The following TENM2 variants were observed in gnomAD, a reference collection of about 807,000 sequenced individuals.
The protein encoded by TENM2 is teneurin-2.
In TENM2, 52 loss-of-function variants were observed where a neutral mutation model predicts 245.2. That is an observed-to-expected ratio of 0.21 (90% CI 0.17 to 0.27). The LOEUF is 0.27. TENM2 is among the 10% of genes least tolerant of loss of function. The pLI is 1.00. For synonymous variants in TENM2, 1,363 were observed against 1,438.9 expected (o/e 0.95, Z 1.19); for missense variants, 3,046 against 3,666.8 (o/e 0.83, Z 4.37).
chr5:168,218,442 C>T lies in TENM2; in HGVS notation c.4551C>T (p.Ala1517=). Reference sequence around the variant, plus strand: ...AGATCTGCCTTTTAGCTGGGGCAGCCTCGGACTGCGACTGCAAAAACGATG... The same window carrying T: ...AGATCTGCCTTTTAGCTGGGGCAGCTTCGGACTGCGACTGCAAAAACGATG... The change falls in exon 23 of 29, where the codon GCC becomes GCT. Residue 1517 remains alanine (A), a synonymous_variant. Transcript: ENST00000518659. The surrounding 1 kb of genome is among the most constrained non-coding windows in gnomAD (Gnocchi z 5.2). The T allele has an allele frequency of 6.2e-7, 1 of 1,614,046 alleles. No individual in the cohort carries two copies. The highest frequency in any genetic ancestry group is 8.5e-7 in the Non-Finnish European group (1 of 1,179,910).
chr5:167,272,513 A>C, the TENM2 span, among the ~76,000 whole-genome samples: 3 of 152,188 alleles, frequency 2.0e-5, no homozygotes, highest in African/African-American at 7.2e-5. Context: ...ATGCTCATCC[A>C]ATAAAACTTT....
the TENM2 span, among the ~76,000 whole-genome samples, chr5:167,176,255 C>T: frequency 3.9e-5 from 6 of 152,208 alleles, no homozygotes; most frequent in South Asian, 2.1e-4. Context: ...TGTGTGTGTC[C>T]GAAACTTTTT....
At chr5:167,181,437 G>GT in the TENM2 span, among the ~76,000 whole-genome samples, 7,433 of 123,032 alleles carry the variant, frequency 0.06, 727 homozygotes, top group East Asian at 0.37. Flanking sequence ...TCAGTTCTCT[G>GT]TTTTTTTTTT....
intron 2 of TENM2, among the ~76,000 whole-genome samples, chr5:167,794,432 A>G (rs1765187294): frequency 6.6e-6 from 1 of 152,232 alleles, no homozygotes; most frequent in African/African-American, 2.4e-5. Context: ...AATGTTAGGG[A>G]AAAATTACAT....
chr5:167,721,090 C>T (rs1430937719), intron 2 of TENM2, among the ~76,000 whole-genome samples: 1 of 152,136 alleles, frequency 6.6e-6, no homozygotes, highest in Non-Finnish European at 1.5e-5. Flanking sequence ...TTTGATCCTA[C>T]TTACTACAAT....
chr5:167,394,583 T>G lies in TENM2; in HGVS notation c.502+19110T>G, dbSNP rs769839947. Among the ~76,000 whole-genome samples the G allele has an allele frequency of 3.2e-4, 49 of 152,162 alleles. No individual in the cohort carries two copies. The South Asian group carries it at 3.5e-3, about 11-fold the overall frequency. On this transcript the variant is annotated intron_variant, in intron 2 of 28. Transcript: ENST00000518659. ...ATAAATAAATGTATGTATGTATTTA[T>G]TTAGTTAGTTAGTTAGTTTTGTTCT...
the TENM2 span, among the ~76,000 whole-genome samples, chr5:167,069,391 A>C: frequency 6.6e-6 from 1 of 152,172 alleles, no homozygotes. Context: ...AGAATCTCCA[A>C]ATCTTTCCCC....
chr5:167,385,762 G>A (rs554924799), intron 2 of TENM2, among the ~76,000 whole-genome samples: 2 of 151,156 alleles, frequency 1.3e-5, no homozygotes, highest in Non-Finnish European at 2.9e-5. Flanking sequence ...ATGATGTTTG[G>A]TTTTCCATCC....
At chr5:167,113,298 G>A in the TENM2 span, among the ~76,000 whole-genome samples, 1 of 152,108 alleles carries the variant, frequency 6.6e-6, no homozygotes, top group Admixed American at 6.5e-5. Flanking sequence ...TCCTTATTTT[G>A]TGTCTGTCTC....
chr5:168,192,429 A>T (rs1761044128), intron 14 of TENM2, among the ~76,000 whole-genome samples: 1 of 152,166 alleles, frequency 6.6e-6, no homozygotes, highest in African/African-American at 2.4e-5. Context: ...TTTCTCTCAA[A>T]AGAATAAGTA....
intron 5 of TENM2, among the ~76,000 whole-genome samples, chr5:167,995,140 G>T (rs1242986920): frequency 6.6e-6 from 1 of 152,098 alleles, no homozygotes; most frequent in Non-Finnish European, 1.5e-5. Context: ...TGCCAATACC[G>T]TCCCAGTGCG....
chr5:168,156,318 T>TG (rs1235862847), intron 12 of TENM2, among the ~76,000 whole-genome samples: 1 of 150,812 alleles, frequency 6.6e-6, no homozygotes, highest in Non-Finnish European at 1.5e-5. Context: ...TCTCTCCTGA[T>TG]GGTCTCTTGA....
At chr5:167,918,451 C>T (rs1485260196) in intron 3 of TENM2, among the ~76,000 whole-genome samples, 1 of 152,206 alleles carries the variant, frequency 6.6e-6, no homozygotes, top group Non-Finnish European at 1.5e-5. Flanking sequence ...CCTATAAGCT[C>T]TTACCTGCCG....
At chr5:167,734,019 AG>A (rs777443367) in intron 2 of TENM2, among the ~76,000 whole-genome samples, 24 of 152,326 alleles carry the variant, frequency 1.6e-4, no homozygotes, top group Non-Finnish European at 3.4e-4. Context: ...CCTTGACTTC[AG>A]ATAACACTTT....
chr5:167,284,304 T>C (rs1481662323), upstream of TENM2, among the ~76,000 whole-genome samples: 1 of 152,260 alleles, frequency 6.6e-6, no homozygotes, highest in African/African-American at 2.4e-5. Context: ...TTATGCCTTA[T>C]GCTCAAATCT....
chr5:168,009,342 T>C (rs1785056497), intron 5 of TENM2, among the ~76,000 whole-genome samples: 1 of 152,228 alleles, frequency 6.6e-6, no homozygotes, highest in African/African-American at 2.4e-5. Flanking sequence ...CTGCTACATA[T>C]TCATTCTATG....
At chr5:167,867,664 G>C (rs1772441948) in intron 2 of TENM2, among the ~76,000 whole-genome samples, 1 of 152,188 alleles carries the variant, frequency 6.6e-6, no homozygotes, top group Non-Finnish European at 1.5e-5. Flanking sequence ...ATGTGGAATA[G>C]AACAAACCCA....
At chr5:167,949,852 C>T (rs1009604809) in intron 3 of TENM2, among the ~76,000 whole-genome samples, 4 of 152,068 alleles carry the variant, frequency 2.6e-5, no homozygotes, top group African/African-American at 9.7e-5. Flanking sequence ...TCTCCTGCAC[C>T]TCGTTGGGAA....
At chr5:167,398,337 CCTT>C (rs1762171672) in intron 2 of TENM2, among the ~76,000 whole-genome samples, 1 of 151,014 alleles carries the variant, frequency 6.6e-6, no homozygotes, top group Non-Finnish European at 1.5e-5. Flanking sequence ...CTTATTCTTT[CCTT>C]CTTTCTTTCC....
Sources: allele counts gnomAD v4.1 joint callset (sites outside exome capture counted in the v4.1 genomes callset), GRCh38; gene constraint gnomAD v4.1.1; non-coding constraint Gnocchi (gnomAD v3.1); transcripts MANE v1.5; gene names NCBI Gene and HGNC (gene_info 2026-07-23, HGNC 2026-07-21).